CTNNA3: variants seen among roughly 807,000 people sequenced by gnomAD.
CTNNA3 encodes catenin alpha 3.
CTNNA3 carries 76 observed loss-of-function variants against 95.7 expected under a neutral mutation model. The ratio of observed to expected loss-of-function variants is 0.79; its 90% CI spans 0.66 to 0.96. The LOEUF (loss-of-function observed/expected upper bound fraction) is 0.96, where lower values mean the gene tolerates loss of function less well. Ranked by LOEUF, CTNNA3 falls within the 40% of genes least tolerant of loss-of-function variation. The pLI is 0.00. For missense variants in CTNNA3, 1,191 were observed against 1,089.8 expected (o/e 1.09, Z -1.31); for synonymous variants, 431 against 374.4 (o/e 1.15, Z -1.74).
chr10:66,282,038 G>T (rs1382137137), intron 12 of CTNNA3, among the ~76,000 whole-genome samples: 1 of 151,752 alleles, frequency 6.6e-6, no homozygotes, highest in African/African-American at 2.4e-5. Flanking sequence ...CATTTCAACT[G>T]CTTAACACAT....
At chr10:66,479,923 A>T (rs998602789) in intron 11 of CTNNA3, among the ~76,000 whole-genome samples, 4 of 149,930 alleles carry the variant, frequency 2.7e-5, no homozygotes, top group Non-Finnish European at 4.4e-5. Flanking sequence ...AGACTTCACC[A>T]CAAGATAATT....
intron 9 of CTNNA3, among the ~76,000 whole-genome samples, chr10:66,749,964 T>A (rs1385150458): frequency 6.6e-6 from 1 of 152,238 alleles, no homozygotes. Context: ...CCCAATGATA[T>A]ATGATGTTGA....
chr10:67,041,156 G>A (rs966202169), intron 7 of CTNNA3, among the ~76,000 whole-genome samples: 4 of 152,048 alleles, frequency 2.6e-5, no homozygotes, highest in African/African-American at 7.2e-5. Flanking sequence ...AGCCAAAAAT[G>A]GTTCCTGATC....
intron 10 of CTNNA3, among the ~76,000 whole-genome samples, chr10:66,533,188 A>G (rs147731304): frequency 6.6e-6 from 1 of 152,222 alleles, no homozygotes; most frequent in African/African-American, 2.4e-5. Context: ...ATTATTTCCT[A>G]TCAGCACCCC....
intron 7 of CTNNA3, among the ~76,000 whole-genome samples, chr10:66,811,707 T>C (rs1841884728): frequency 1.3e-5 from 2 of 152,178 alleles, no homozygotes; most frequent in African/African-American, 4.8e-5. Flanking sequence ...ATTTATACCA[T>C]GTGCTAGGAA....
chr10:67,210,980 G>A lies in CTNNA3; in HGVS notation c.843+8627C>T, dbSNP rs143620141. Among the ~76,000 whole-genome samples the A allele has an allele frequency of 5.1e-3, 772 of 152,236 alleles. 8 individuals are homozygous for A. The highest frequency in any genetic ancestry group is 0.018 in the African/African-American group (741 of 41,556). On this transcript the variant is annotated intron_variant, in intron 6 of 17. Coordinates refer to ENST00000433211, the MANE Select transcript of CTNNA3 (RefSeq NM_013266.4). Reference sequence around the variant, plus strand: ...AAGGAATCGGCATCCAAGAAAGCCCGACCTGTGTCATGTGAGTGAGGATCT... The same window carrying A: ...AAGGAATCGGCATCCAAGAAAGCCCAACCTGTGTCATGTGAGTGAGGATCT...
At chr10:66,883,054 C>T (rs1005765947) in intron 7 of CTNNA3, among the ~76,000 whole-genome samples, 1 of 151,952 alleles carries the variant, frequency 6.6e-6, no homozygotes, top group South Asian at 2.1e-4. Context: ...GAGATTGCAA[C>T]GTACAGCCAT....
rs1848144383 is a variant in CTNNA3 at position 66,943,766 on chromosome 10, A to G, written c.1048-168242T>C. 3.9e-5 allele frequency among the ~76,000 whole-genome samples: 6 copies of G among 152,218 alleles called. No individual in the cohort carries two copies. The South Asian group carries it at 1.2e-3, about 31-fold the overall frequency. On this transcript the variant is annotated intron_variant, in intron 7 of 17. Coordinates refer to ENST00000433211, the MANE Select transcript of CTNNA3 (RefSeq NM_013266.4). ...ACCCCACCATAAAGTGCATATCGCA[A>G]TAAAATGAGTCACACAAATTTTTTG...
intron 1 of CTNNA3, among the ~76,000 whole-genome samples, chr10:67,650,267 G>A (rs572462620): frequency 2.6e-5 from 4 of 152,266 alleles, no homozygotes; most frequent in African/African-American, 9.6e-5. Flanking sequence ...ATGATGAGAA[G>A]CTTACTATAC....
intron 14 of CTNNA3, 49 bp downstream of exon 14, chr10:66,103,108 G>T: frequency 6.8e-7 from 1 of 1,465,306 alleles, no homozygotes; most frequent in Non-Finnish European, 9.6e-7. Flanking sequence ...GGAGGGCACA[G>T]CCTTCAGTGA....
At chr10:67,752,940 T>C (rs942910132) in intron 1 of CTNNA3, among the ~76,000 whole-genome samples, 4 of 152,114 alleles carry the variant, frequency 2.6e-5, no homozygotes, top group African/African-American at 9.7e-5. Flanking sequence ...TAAACTACCA[T>C]TGCCGTTTTT....
rs1473177548 is a variant in CTNNA3 at position 66,966,470 on chromosome 10, TCG to T, written c.1048-190948_1048-190947del. ...AGAATTAATATGCAGCTGGGTTAACTCGGCTATGTAATATATTTTTTTTTTCA... is the reference window on the plus strand; with the variant it reads ...AGAATTAATATGCAGCTGGGTTAACTGCTATGTAATATATTTTTTTTTTCA... On this transcript the variant is annotated intron_variant, in intron 7 of 17. Coordinates refer to ENST00000433211, the MANE Select transcript of CTNNA3 (RefSeq NM_013266.4). Among the ~76,000 whole-genome samples, 632 of 129,804 alleles carry T rather than the reference TCG, an allele frequency of 4.9e-3. 37 individuals are homozygous for T. In the East Asian group the frequency reaches 0.12, roughly 24 times the overall value. 85.2% of individuals were successfully genotyped at this position (129,804 alleles called of 152,430 possible).
chr10:66,042,899 CAAAAAAAAAAAAAAAAAA>C (rs60090636), intron 15 of CTNNA3, among the ~76,000 whole-genome samples: 2 of 50,424 alleles, frequency 4.0e-5, no homozygotes, highest in Admixed American at 3.5e-4. Flanking sequence ...GACTCTGTCT[CAAAAAAAAAAAAAAAAAA>C]AAAAAAAAAA....
intron 5 of CTNNA3, among the ~76,000 whole-genome samples, chr10:67,309,918 TA>T: frequency 6.6e-6 from 1 of 152,026 alleles, no homozygotes; most frequent in South Asian, 2.1e-4. Context: ...ATCCTTCCTT[TA>T]AAAAAAATTG....
chr10:67,512,809 A>T (rs1440376949), intron 5 of CTNNA3, among the ~76,000 whole-genome samples: 1 of 151,880 alleles, frequency 6.6e-6, no homozygotes. Flanking sequence ...ACATGGTGAA[A>T]CTCCATCTCT....
At chr10:67,148,460 G>A (rs1246279407) in intron 7 of CTNNA3, among the ~76,000 whole-genome samples, 2 of 152,094 alleles carry the variant, frequency 1.3e-5, no homozygotes, top group Non-Finnish European at 2.9e-5. Context: ...TAGAACAGAT[G>A]GAAGTATGAG....
intron 13 of CTNNA3, among the ~76,000 whole-genome samples, chr10:66,225,617 A>C (rs1403263604): frequency 6.6e-6 from 1 of 151,434 alleles, no homozygotes; most frequent in East Asian, 1.9e-4. Context: ...GCTGGATCAT[A>C]TGGTATTCAA....
intron 9 of CTNNA3, among the ~76,000 whole-genome samples, chr10:66,691,853 G>T (rs905974873): frequency 6.6e-6 from 1 of 152,164 alleles, no homozygotes; most frequent in East Asian, 1.9e-4. Context: ...GGCAAACAGG[G>T]TCTGGAGTGG....
At chr10:66,653,682 A>T (rs1436672710) in intron 9 of CTNNA3, among the ~76,000 whole-genome samples, 1 of 152,116 alleles carries the variant, frequency 6.6e-6, no homozygotes, top group Non-Finnish European at 1.5e-5. Flanking sequence ...CAGAGGTATC[A>T]CATTCTCCAA....
Sources: gnomAD v4.1 joint callset for allele counts (sites outside exome capture counted in the v4.1 genomes callset) on GRCh38, gnomAD v4.1.1 for gene constraint, MANE v1.5 for transcripts, NCBI Gene and HGNC (gene_info 2026-07-23, HGNC 2026-07-21) for gene names.